Variants in CCL17 observed in about 807,000 individuals in gnomAD.
The protein encoded by CCL17 is C-C motif chemokine 17.
Under a neutral mutation model 7.4 loss-of-function variants are expected in CCL17, and 8 were observed. That is an observed-to-expected ratio of 1.09 (90% CI 0.64 to 1.96). The LOEUF (loss-of-function observed/expected upper bound fraction) is 1.96. CCL17 is among the 30% of genes most tolerant of loss of function. The pLI is 0.00. For synonymous variants in CCL17, 40 were observed against 46.1 expected, an observed-to-expected ratio of 0.87 and a Z score of 0.54; for missense variants, 102 against 113.0, an observed-to-expected ratio of 0.90 and a Z score of 0.44.
chr16:57,408,681 G>C (rs1339592031), intron 1 of CCL17, among the ~76,000 whole-genome samples: 6 of 151,852 alleles, frequency 4.0e-5, no homozygotes, highest in Non-Finnish European at 8.8e-5. Flanking sequence ...CGATTCTCCT[G>C]CCTCAGCCTC....
Position 57,415,964 on chromosome 16 carries a change from C to G in CCL17, c.*103C>G, listed in dbSNP as rs1248266379. On this transcript the variant is annotated 3_prime_UTR_variant, in exon 4 of 4. Transcript: ENST00000219244. This position sits in a 1 kb window ranked among gnomAD's most constrained non-coding sequence, Gnocchi z 4.5. ...CTGAGCGCCTGGGTCCAGGGGAGGC[C>G]TTCCAGGGACGAAGAAGAGCCACAG... 1.4e-6 allele frequency: 1 copy of G among 711,898 alleles called. No individual in the cohort carries two copies. Among genetic ancestry groups the G allele is most frequent in the Non-Finnish European group, 2.5e-6 (1 of 398,480 alleles). The allele number at this position is 711,898 out of a possible 1,614,324, so 44.1% of individuals were successfully genotyped here. A position where few individuals can be genotyped will look rare whatever the true frequency, so the allele number is the denominator to read the frequency against.
the CCL17 span, among the ~76,000 whole-genome samples, chr16:57,397,790 A>G: frequency 6.6e-6 from 1 of 152,230 alleles, no homozygotes; most frequent in Admixed American, 6.5e-5. Context: ...GGCTTGGGTA[A>G]GTGCCACTAG....
chr16:57,409,583 G>C (rs886281610), intron 1 of CCL17, among the ~76,000 whole-genome samples: 106 of 152,254 alleles, frequency 7.0e-4, no homozygotes, highest in African/African-American at 2.4e-3. Flanking sequence ...ATGAGTTCAC[G>C]GCTGTGGTCC....
upstream of CCL17, among the ~76,000 whole-genome samples, chr16:57,402,438 C>T (rs1345888513): frequency 5.9e-5 from 9 of 152,138 alleles, no homozygotes; most frequent in African/African-American, 2.2e-4. Context: ...CTCGGGTGCC[C>T]AGAGGGTCGA....
rs1288229906 is a variant in CCL17, at chr16:57,413,861, C to T, written c.-59-13C>T. On this transcript the variant is annotated splice_polypyrimidine_tract_variant and intron_variant, in intron 1 of 3. Transcript: ENST00000219244. ...AGGTTAAATAGGTCACTGCCACCCT[C>T]GACTCTCAGCAGGGTGTCTCCCTGA... 28 of 1,387,868 alleles carry T rather than the reference C, an allele frequency of 2.0e-5. No homozygotes were observed. Among genetic ancestry groups the T allele is most frequent in the Admixed American group, 4.2e-5 (2 of 47,778 alleles). 86.0% of individuals were successfully genotyped at this position (1,387,868 alleles called of 1,614,324 possible). A position where few individuals can be genotyped will look rare whatever the true frequency, so the allele number is the denominator to read the frequency against.
chr16:57,412,821 G>A (rs1214440884), intron 1 of CCL17, among the ~76,000 whole-genome samples: 1 of 152,190 alleles, frequency 6.6e-6, no homozygotes, highest in Non-Finnish European at 1.5e-5. Flanking sequence ...CAGGGCGACC[G>A]GCAATTTCCT....
chr16:57,414,651 C>T (rs1027328216), intron 2 of CCL17, among the ~76,000 whole-genome samples: 34 of 152,008 alleles, frequency 2.2e-4, no homozygotes, highest in African/African-American at 8.2e-4. Context: ...CCCGCCTTGG[C>T]CTCCCAAAGT....
intron 1 of CCL17, among the ~76,000 whole-genome samples, chr16:57,407,704 A>G (rs1902717431): frequency 6.6e-6 from 1 of 151,800 alleles, no homozygotes; most frequent in Non-Finnish European, 1.5e-5. Context: ...TCATGCATCC[A>G]TCCATCATCC....
chr16:57,409,083 C>T (rs1473141476), intron 1 of CCL17, among the ~76,000 whole-genome samples: 1 of 152,200 alleles, frequency 6.6e-6, no homozygotes, highest in African/African-American at 2.4e-5. Context: ...AAAAGAGATC[C>T]TTCAAGGATT....
chr16:57,398,245 C>T, the CCL17 span, among the ~76,000 whole-genome samples: 4,125 of 152,240 alleles, frequency 0.027, 92 homozygotes, highest in South Asian at 0.067. Context: ...TGGCCACCAC[C>T]GCAACTACCC....
intron 1 of CCL17, among the ~76,000 whole-genome samples, chr16:57,411,066 C>T (rs1902776887): frequency 6.6e-6 from 1 of 152,226 alleles, no homozygotes; most frequent in African/African-American, 2.4e-5. Context: ...GTGCAATGTC[C>T]TTTCTTCCAA....
chr16:57,397,315 T>C, the CCL17 span, among the ~76,000 whole-genome samples: 119 of 152,366 alleles, frequency 7.8e-4, no homozygotes, highest in African/African-American at 2.7e-3. Context: ...ATGAAAACTT[T>C]GGTGGAGGGT....
rs1446379030 is a variant in CCL17 at position 57,404,852 on chromosome 16, G to T, written c.-60+16G>T. Reference sequence around the variant, plus strand: ...TCAAAACCAGGTGACCTGACCTAGAGTCTTTGCTCCTAACCCCTCCACTGT... The same window carrying T: ...TCAAAACCAGGTGACCTGACCTAGATTCTTTGCTCCTAACCCCTCCACTGT... On this transcript the variant is annotated intron_variant, in intron 1 of 3. Coordinates refer to ENST00000219244, the MANE Select transcript of CCL17 (RefSeq NM_002987.3). 6.5e-6 allele frequency: 1 copy of T among 154,394 alleles called. No homozygotes were observed. Among genetic ancestry groups the T allele is most frequent in the African/African-American group, 2.4e-5 (1 of 41,494 alleles). 9.6% of individuals were successfully genotyped at this position (154,394 alleles called of 1,614,324 possible).
At chr16:57,397,593 T>C in the CCL17 span, among the ~76,000 whole-genome samples, 1 of 152,226 alleles carries the variant, frequency 6.6e-6, no homozygotes, top group African/African-American at 2.4e-5. Flanking sequence ...AGTGTAAGAC[T>C]GCCACTTCCT....
At chr16:57,405,964 C>T (rs1261179916) in intron 1 of CCL17, among the ~76,000 whole-genome samples, 1 of 151,754 alleles carries the variant, frequency 6.6e-6, no homozygotes, top group Non-Finnish European at 1.5e-5. Context: ...ATGGCGTGAA[C>T]CCGGGAGGTG....
At chr16:57,412,102 G>A (rs1377351881) in intron 1 of CCL17, among the ~76,000 whole-genome samples, 3 of 152,124 alleles carry the variant, frequency 2.0e-5, no homozygotes, top group African/African-American at 7.2e-5. Flanking sequence ...GCCCACCAAG[G>A]GGGACCCCAT....
the CCL17 span, among the ~76,000 whole-genome samples, chr16:57,396,140 C>T: frequency 1.3e-5 from 2 of 152,200 alleles, no homozygotes; most frequent in East Asian, 3.8e-4. Context: ...GTGGCCATTC[C>T]TAACCCTATA....
At chr16:57,408,103 T>TCATCTACCCATCCATCTATCCATC (rs1902725668) in intron 1 of CCL17, among the ~76,000 whole-genome samples, 15 of 150,720 alleles carry the variant, frequency 1.0e-4, no homozygotes, top group Admixed American at 9.9e-4. Flanking sequence ...ATTTATCCAT[T>TCATCTACCCATCCATCTATCCATC]CATCTACCCA....
chr16:57,414,598 T>C (rs1902838068), intron 2 of CCL17, among the ~76,000 whole-genome samples: 1 of 151,942 alleles, frequency 6.6e-6, no homozygotes, highest in South Asian at 2.1e-4. Flanking sequence ...GTTTTCACCA[T>C]GTTGGTCAGG....
Sources: gnomAD v4.1 joint callset for allele counts (sites outside exome capture counted in the v4.1 genomes callset) on GRCh38, gnomAD v4.1.1 for gene constraint, Gnocchi (gnomAD v3.1) non-coding constraint, MANE v1.5 for transcripts, NCBI Gene and HGNC (gene_info 2026-07-23, HGNC 2026-07-21) for gene names.